The following PLCXD1 variants were observed in gnomAD, a reference collection of about 807,000 sequenced individuals.
PLCXD1 encodes phosphatidylinositol specific phospholipase C X domain containing 1, also known as PI-PLC X domain-containing protein 1.
In PLCXD1, 45 loss-of-function variants were observed where a neutral mutation model predicts 37.8. That is an observed-to-expected ratio of 1.19 (90% CI 0.94 to 1.53). PLCXD1 has a LOEUF of 1.53. PLCXD1 is among the 40% of genes most tolerant of loss of function. The pLI is 0.00. For synonymous variants in PLCXD1, 246 were observed against 206.9 expected (o/e 1.19, Z -1.62); for missense variants, 539 against 454.7 (o/e 1.19, Z -1.69).
At chrX:280,038 G>A (rs2069229336), upstream of PLCXD1, among the ~76,000 whole-genome samples, 2 of 152,142 alleles carry the variant, frequency 1.3e-5, no homozygotes, top group Admixed American at 1.3e-4. Context: ...TACCAGTGAT[G>A]GGGTTTTGCC....
intron 3 of PLCXD1, among the ~76,000 whole-genome samples, chrX:289,416 TGCCGTGAGCATC>T (rs1184991125): frequency 6.6e-6 from 1 of 150,928 alleles, no homozygotes; most frequent in East Asian, 2.0e-4. Flanking sequence ...GTAAAGCTAA[TGCCGTGAGCATC>T]GCAGGCCTCC....
chrX:294,126 C>T (rs2069723883), intron 6 of PLCXD1, among the ~76,000 whole-genome samples: 1 of 151,334 alleles, frequency 6.6e-6, no homozygotes, highest in Admixed American at 6.6e-5. Flanking sequence ...CACCTGAGGT[C>T]AGGAGTTTGG....
At chrX:296,873 T>A (rs868566747) in intron 6 of PLCXD1, among the ~76,000 whole-genome samples, 4,936 of 144,656 alleles carry the variant, frequency 0.034, 18 homozygotes, top group Middle Eastern at 0.068. Context: ...GGGGACATTA[T>A]TCTGTCTCCC....
At chrX:297,666 T>C (rs868650199) in intron 6 of PLCXD1, among the ~76,000 whole-genome samples, 9 of 36,524 alleles carry the variant, frequency 2.5e-4, no homozygotes, top group Admixed American at 1.3e-3. Context: ...ATTCTGTCTA[T>C]CACATGGGGA....
upstream of PLCXD1, among the ~76,000 whole-genome samples, chrX:280,110 A>G (rs191525491): frequency 1.5e-3 from 222 of 152,234 alleles, no homozygotes; most frequent in Non-Finnish European, 2.5e-3. Flanking sequence ...CGGCCTCCCA[A>G]AGTGTTGAAG....
intron 2 of PLCXD1, among the ~76,000 whole-genome samples, chrX:288,338 C>G (rs1046093198): frequency 6.6e-6 from 1 of 151,114 alleles, no homozygotes; most frequent in Non-Finnish European, 1.5e-5. Context: ...TCCTTCCTGC[C>G]TCTCCCAGCT....
chrX:286,965 TGGG>T (rs1404384000), intron 2 of PLCXD1, among the ~76,000 whole-genome samples: 1 of 151,392 alleles, frequency 6.6e-6, no homozygotes, highest in Non-Finnish European at 1.5e-5. Context: ...TCTCGGGGTC[TGGG>T]GATTTAAAGG....
At chrX:284,443 C>G (rs1327132504) in intron 2 of PLCXD1, 129 bp downstream of exon 2, 1 of 992,916 alleles carries the variant, frequency 1.0e-6, no homozygotes, top group Non-Finnish European at 1.5e-6. Context: ...GTAGGGAAAT[C>G]CTAGAAAGCA....
chrX:283,500 T>A (rs924009468), intron 1 of PLCXD1: 6 of 137,320 alleles, frequency 4.4e-5, no homozygotes, highest in Non-Finnish European at 6.3e-5. Flanking sequence ...TAGGGCGCCA[T>A]GATGTTCCAC....
chrX:282,968 ATAT>A (rs895261119), intron 1 of PLCXD1, among the ~76,000 whole-genome samples: 21 of 145,970 alleles, frequency 1.4e-4, no homozygotes, highest in Non-Finnish European at 4.5e-5. Context: ...ATATATGTAT[ATAT>A]TATATGTATA....
rs1181699217 is a variant in PLCXD1, at chrX:301,007, A to G, written c.*1672A>G. 1 of 151,752 alleles carries G rather than the reference A, an allele frequency of 6.6e-6. No homozygotes were observed. The highest frequency in any genetic ancestry group is 1.5e-5 in the Non-Finnish European group (1 of 67,984). 9.4% of individuals were successfully genotyped at this position (151,752 alleles called of 1,614,324 possible). A position where few individuals can be genotyped will look rare whatever the true frequency, so the allele number is the denominator to read the frequency against. On this transcript the variant is annotated 3_prime_UTR_variant, in exon 7 of 7. Transcript: ENST00000381657. ...CATGAGCCACTGTGCCCAGCCGCCG[A>G]TATTTCTTTAAATTATGTTTAGGGA...
chrX:290,391 C>T (rs1324113277), intron 3 of PLCXD1, among the ~76,000 whole-genome samples: 4 of 149,760 alleles, frequency 2.7e-5, no homozygotes, highest in Non-Finnish European at 5.9e-5. Flanking sequence ...GATTGCACCA[C>T]TGCACTCCAG....
Position 284,191 on chromosome X carries a change from G to C in PLCXD1, c.4G>C (p.Gly2Arg). 6.2e-7 allele frequency: 1 copy of C among 1,613,150 alleles called. No individual in the cohort carries two copies. The highest frequency in any genetic ancestry group is 1.1e-5 in the South Asian group (1 of 91,032). Residue 2 changes from glycine (G) to arginine (R), a missense_variant, in exon 2 of 7, where the codon GGT (glycine) becomes CGT (arginine). Coordinates refer to ENST00000381657, the MANE Select transcript of PLCXD1 (RefSeq NM_018390.4). M[G>R]GQVSASNSFS... ...GGTTGCCCAGGGCTCACCTCTGATG[G>C]GTGGGCAGGTGAGCGCTTCCAACAG...
In PLCXD1 at chrX:293,043, G is replaced by A. The variant is rs139697303; in HGVS notation, c.558G>A (p.Pro186=). Residue 186 remains proline, a synonymous_variant, in exon 6 of 7, where the codon CCG becomes CCA. Transcript: ENST00000381657. ...GDMLCPRGEV[P]TLRQLWSRGQ... ...ACTCTGGTCCTTTGCAGGAGGTGCC[G>A]ACACTGCGGCAGCTGTGGTCCCGGG... The A allele has an allele frequency of 1.1e-4, 182 of 1,606,882 alleles. 1 individual carries two copies. The highest frequency in any genetic ancestry group is 2.5e-4 in the Admixed American group (15 of 59,808).
At chrX:278,706 T>G (rs1038566346), upstream of PLCXD1, among the ~76,000 whole-genome samples, 5 of 131,090 alleles carry the variant, frequency 3.8e-5, no homozygotes, top group Admixed American at 4.8e-4. Context: ...ACCACTGCAC[T>G]CCAGCCTGGG....
At chrX:292,814 T>A (rs994276857) in intron 5 of PLCXD1, among the ~76,000 whole-genome samples, 22 of 150,562 alleles carry the variant, frequency 1.5e-4, no homozygotes, top group Non-Finnish European at 2.5e-4. Flanking sequence ...GGTTTCACCA[T>A]GTTGCCCGGG....
At chrX:290,556 G>C in intron 3 of PLCXD1, 92 bp from the exon 4 acceptor site, 1 of 1,391,216 alleles carries the variant, frequency 7.2e-7, no homozygotes, top group Non-Finnish European at 1.0e-6. Flanking sequence ...TGGGCAGCAG[G>C]ACATGCGGGT....
At chrX:291,828 G>C (rs1417701756) in intron 5 of PLCXD1, among the ~76,000 whole-genome samples, 174 bp downstream of exon 5, 1 of 152,140 alleles carries the variant, frequency 6.6e-6, no homozygotes, top group African/African-American at 2.4e-5. Context: ...CTGACCCGGT[G>C]GGGTGGCTCC....
upstream of PLCXD1, among the ~76,000 whole-genome samples, chrX:277,170 TC>T (rs1157953661): frequency 1.4e-5 from 2 of 146,566 alleles, no homozygotes; most frequent in Non-Finnish European, 3.0e-5. Context: ...CTCCACTTTG[TC>T]ATGTGTGGGG....
Sources: allele counts gnomAD v4.1 joint callset (sites outside exome capture counted in the v4.1 genomes callset), GRCh38; gene constraint gnomAD v4.1.1; transcripts MANE v1.5; gene names NCBI Gene and HGNC (gene_info 2026-07-23, HGNC 2026-07-21).